The following ARMH3 variants were observed in gnomAD, a reference collection of about 807,000 sequenced individuals.
ARMH3 encodes the protein armadillo like helical domain containing 3, also known as armadillo-like helical domain-containing protein 3.
Under a neutral mutation model 99.1 loss-of-function variants are expected in ARMH3, and 60 were observed. The ratio of observed to expected loss-of-function variants is 0.61; its 90% CI spans 0.49 to 0.75. The LOEUF is 0.75. Ranked by LOEUF, ARMH3 falls within the 30% of genes least tolerant of loss-of-function variation. The pLI, the probability that ARMH3 is intolerant of heterozygous loss-of-function variation, is 0.00. For missense variants in ARMH3, 679 were observed against 843.1 expected (o/e 0.81, Z 2.41); for synonymous variants, 285 against 292.8 (o/e 0.97, Z 0.27).
chr10:101,944,273 T>TAGAGAGAG (rs55633048), intron 22 of ARMH3, among the ~76,000 whole-genome samples: 4 of 25,406 alleles, frequency 1.6e-4, no homozygotes, highest in Admixed American at 5.6e-4. Context: ...TATATATATA[T>TAGAGAGAG]AGAGAGAGAG....
intron 17 of ARMH3, among the ~76,000 whole-genome samples, chr10:101,992,986 T>G (rs1475009997): frequency 6.6e-6 from 1 of 151,912 alleles, no homozygotes; most frequent in Non-Finnish European, 1.5e-5. Flanking sequence ...AAATCCAGTA[T>G]CAGGCCAGGC....
At chr10:101,872,557 C>T (rs982367267) in intron 24 of ARMH3, among the ~76,000 whole-genome samples, 12 of 151,778 alleles carry the variant, frequency 7.9e-5, no homozygotes, top group African/African-American at 2.2e-4. Context: ...ATCAGCTGGA[C>T]GTGGTGGCAC....
chr10:101,888,592 G>T (rs2067608994), intron 24 of ARMH3, among the ~76,000 whole-genome samples: 2 of 152,194 alleles, frequency 1.3e-5, no homozygotes, highest in Admixed American at 1.3e-4. Flanking sequence ...TCAAACAAGG[G>T]TTACAAAGAT....
In ARMH3 at chr10:102,011,758, G is replaced by A; in HGVS notation, c.796C>T (p.His266Tyr). The A allele has an allele frequency of 6.8e-6, 11 of 1,609,946 alleles. No individual in the cohort carries two copies. Among genetic ancestry groups the A allele is most frequent in the Non-Finnish European group, 9.3e-6 (11 of 1,178,104 alleles). ...NRQYKDKEEEHQSGFFSALTN... is the reference protein window; with the variant it reads ...NRQYKDKEEEYQSGFFSALTN... Reference sequence around the variant, plus strand: ...AAAGCAGAGAAAAAACCACTTTGGTGTTCTTCTTCCTTGTCTTTATACTGC... The same window carrying A: ...AAAGCAGAGAAAAAACCACTTTGGTATTCTTCTTCCTTGTCTTTATACTGC... The change falls in exon 11 of 26, where the codon CAC becomes TAC. Residue 266 changes from histidine (H) to tyrosine (Y), a missense_variant. Physicochemically the swap from His to Tyr is moderately conservative, Grantham distance 83 (BLOSUM62 2). Coordinates refer to ENST00000370033, the MANE Select transcript of ARMH3 (RefSeq NM_024541.3).
chr10:101,971,649 C>A (rs1368334007), intron 20 of ARMH3, among the ~76,000 whole-genome samples: 1 of 152,186 alleles, frequency 6.6e-6, no homozygotes, highest in Non-Finnish European at 1.5e-5. Context: ...AAAATTAAGA[C>A]AGAGGTTTTT....
chr10:101,861,794 A>G (rs1474654349), intron 24 of ARMH3, among the ~76,000 whole-genome samples: 1 of 142,216 alleles, frequency 7.0e-6, no homozygotes, highest in Non-Finnish European at 1.5e-5. Context: ...GCACTTTGGG[A>G]GGCCAAGGCG....
intron 24 of ARMH3, among the ~76,000 whole-genome samples, chr10:101,871,948 C>T (rs2067140550): frequency 1.3e-5 from 2 of 151,218 alleles, no homozygotes; most frequent in South Asian, 2.1e-4. Flanking sequence ...TGCAGTGAGC[C>T]GAGAATGTGC....
intron 22 of ARMH3, among the ~76,000 whole-genome samples, chr10:101,945,811 G>A (rs746766693): frequency 4.0e-5 from 6 of 151,496 alleles, no homozygotes; most frequent in South Asian, 2.1e-4. Flanking sequence ...GGCCAGGCTC[G>A]GTGGCTCATG....
intron 17 of ARMH3, 93 bp from the exon 18 acceptor site, chr10:101,992,131 C>T: frequency 1.9e-6 from 2 of 1,028,880 alleles, no homozygotes. Flanking sequence ...AATAAAATCA[C>T]TATTACAGGG....
intron 22 of ARMH3, among the ~76,000 whole-genome samples, chr10:101,944,367 G>C (rs1382072192): frequency 7.3e-6 from 1 of 137,812 alleles, no homozygotes; most frequent in East Asian, 2.1e-4. Flanking sequence ...CAAAAAATTT[G>C]AAGAAATTAT....
At chr10:101,943,348 T>G (rs1289999044) in intron 22 of ARMH3, among the ~76,000 whole-genome samples, 1 of 152,136 alleles carries the variant, frequency 6.6e-6, no homozygotes, top group Non-Finnish European at 1.5e-5. Flanking sequence ...AGAAAATAAC[T>G]TATGTTTCCA....
chr10:101,919,377 T>C (rs754815188), intron 23 of ARMH3, among the ~76,000 whole-genome samples: 55 of 152,146 alleles, frequency 3.6e-4, no homozygotes, highest in Non-Finnish European at 3.1e-4. Context: ...GCTATCTTCA[T>C]ATCTCCTTCT....
At chr10:101,920,724 C>T (rs1306975347) in intron 23 of ARMH3, among the ~76,000 whole-genome samples, 1 of 151,968 alleles carries the variant, frequency 6.6e-6, no homozygotes, top group Non-Finnish European at 1.5e-5. Flanking sequence ...TTCATAGTAG[C>T]CAAAAGGCAG....
chr10:101,966,155 T>C (rs1271280346), intron 20 of ARMH3, among the ~76,000 whole-genome samples: 2 of 146,414 alleles, frequency 1.4e-5, no homozygotes, highest in Non-Finnish European at 3.0e-5. Context: ...CAGGCTGGAG[T>C]GGTGCAGTGG....
At chr10:101,874,818 G>T (rs7896169) in intron 24 of ARMH3, among the ~76,000 whole-genome samples, 2,082 of 152,242 alleles carry the variant, frequency 0.014, 43 homozygotes, top group African/African-American at 0.044. Flanking sequence ...TTCACTGGGG[G>T]TTCAAGGAGA....
intron 5 of ARMH3, among the ~76,000 whole-genome samples, chr10:102,028,228 C>T (rs2067043499): frequency 6.6e-6 from 1 of 152,082 alleles, no homozygotes; most frequent in Admixed American, 6.5e-5. Context: ...CAATTCTACA[C>T]CTAGGTATAT....
Position 101,975,275 on chromosome 10 carries a change from G to A in ARMH3, c.1432C>T (p.Leu478=). The A allele has an allele frequency of 1.9e-6, 3 of 1,612,634 alleles. No individual in the cohort carries two copies. The highest frequency in any genetic ancestry group is 2.2e-5 in the East Asian group (1 of 44,842). Residue 478 remains leucine (L), a synonymous_variant, in exon 20 of 26, where the codon CTG becomes TTG. Transcript: ENST00000370033. ...YIRCIQVVHK[L]LCYQKKCRVR... ...CGACACTTCTTCTGGTAGCAGAGCAGTTTGTGTACTACCTGGATGCAGCGT... is the reference window on the plus strand; with the variant it reads ...CGACACTTCTTCTGGTAGCAGAGCAATTTGTGTACTACCTGGATGCAGCGT...
At chr10:101,991,394 C>CT (rs551574581) in intron 18 of ARMH3, among the ~76,000 whole-genome samples, 7,700 of 146,990 alleles carry the variant, frequency 0.052, 203 homozygotes, top group Middle Eastern at 0.098. Flanking sequence ...AATTTGAAAT[C>CT]TTTTTTTTTT....
rs77797881 is a variant in ARMH3 at position 101,867,976 on chromosome 10, TA to T, written c.1861-18085del. 6.0e-3 allele frequency among the ~76,000 whole-genome samples: 804 copies of T among 133,102 alleles called. 1 individual carries two copies. The highest frequency in any genetic ancestry group is 0.019 in the Middle Eastern group (5 of 260). The allele number at this position is 133,102 out of a possible 152,430, so 87.3% of individuals were successfully genotyped here. On this transcript the variant is annotated intron_variant, in intron 24 of 25. Coordinates refer to ENST00000370033, the MANE Select transcript of ARMH3 (RefSeq NM_024541.3). Reference sequence around the variant, plus strand: ...CAACATAGTGAGACCCTGTTTCTATTAAAAAAAAAAAAAAAGAATTGGAAAA... The same window carrying T: ...CAACATAGTGAGACCCTGTTTCTATTAAAAAAAAAAAAAAGAATTGGAAAA...
Sources: gnomAD v4.1 joint callset for allele counts (sites outside exome capture counted in the v4.1 genomes callset) on GRCh38, gnomAD v4.1.1 for gene constraint, MANE v1.5 for transcripts, NCBI Gene and HGNC (gene_info 2026-07-23, HGNC 2026-07-21) for gene names.